Variants in CCDC183 observed in about 807,000 individuals in gnomAD.
CCDC183 encodes the protein coiled-coil domain containing 183, also known as coiled-coil domain-containing protein 183.
A neutral mutation model predicts 65.2 loss-of-function variants in CCDC183; 63 were observed. That is an observed-to-expected ratio of 0.97 (90% confidence interval 0.79 to 1.19). CCDC183 has a LOEUF of 1.19. Among genes scored for constraint, CCDC183 ranks in the 50% most tolerant of loss-of-function variants. The pLI is 0.00. For synonymous variants in CCDC183, 323 were observed against 276.5 expected (o/e 1.17, Z -1.67); for missense variants, 769 against 689.3 (o/e 1.12, Z -1.30).
rs1847803991 is a variant in CCDC183 at position 136,804,332 on chromosome 9, G to C, written c.667-170G>C. 1 of 877,784 alleles carries C rather than the reference G, an allele frequency of 1.1e-6. No individual in the cohort carries two copies. The highest frequency in any genetic ancestry group is 1.7e-6 in the Non-Finnish European group (1 of 591,832). The allele number at this position is 877,784 out of a possible 1,614,324, so 54.4% of individuals were successfully genotyped here. ...GAGGCATGGGCAAGGAGGGCCGTGA[G>C]CTGAGGGGCCACGGGCACAAGTGGT... On this transcript the variant is annotated intron_variant, in intron 6 of 13. Coordinates refer to ENST00000338005, the MANE Select transcript of CCDC183 (RefSeq NM_001039374.5). This position sits in a 1 kb window ranked among gnomAD's most constrained non-coding sequence, Gnocchi z 4.1.
intron 5 of CCDC183, 48 bp from the exon 6 acceptor site, chr9:136,802,616 A>G: frequency 1.3e-6 from 2 of 1,556,346 alleles, no homozygotes; most frequent in Non-Finnish European, 1.7e-6. Flanking sequence ...GCTCGGGGCA[A>G]CTGCAGCCCA....
At position 136,804,324 on chromosome 9, in the gene CCDC183, G is replaced by A. The variant is rs1847803765; in HGVS notation, c.667-178G>A. The A allele has an allele frequency of 1.3e-6, 1 of 781,050 alleles. No individual in the cohort carries two copies. Among genetic ancestry groups the A allele is most frequent in the Admixed American group, 2.9e-5 (1 of 34,056 alleles). 48.4% of individuals were successfully genotyped at this position (781,050 alleles called of 1,614,324 possible). A position where few individuals can be genotyped will look rare whatever the true frequency, so the allele number is the denominator to read the frequency against. ...CATGCTCTGAGGCATGGGCAAGGAG[G>A]GCCGTGAGCTGAGGGGCCACGGGCA... On this transcript the variant is annotated intron_variant, in intron 6 of 13. Transcript: ENST00000338005. The surrounding 1 kb of genome is among the most constrained non-coding windows in gnomAD (Gnocchi z 4.1).
In CCDC183 at chr9:136,804,593, T is replaced by A; in HGVS notation, c.758T>A (p.Ile253Asn). The change falls in exon 7 of 14, where the codon ATC (isoleucine) becomes AAC (asparagine). Residue 253 changes from isoleucine (I) to asparagine (N), a missense_variant. Transcript: ENST00000338005. The surrounding 1 kb of genome is among the most constrained non-coding windows in gnomAD (Gnocchi z 4.1). ...LNQQKKLIDK[I>N]HTKETSEKYR... ...CAGCAGAAGAAGCTGATCGACAAGA[T>A]CCACACGAAGGAGACCAGCGAGAAG... 1 of 1,613,396 alleles carries A rather than the reference T, an allele frequency of 6.2e-7. No homozygotes were observed. Among genetic ancestry groups the A allele is most frequent in the Non-Finnish European group, 8.5e-7 (1 of 1,179,868 alleles).
intron 5 of CCDC183, 44 bp from the exon 6 acceptor site, chr9:136,802,620 C>T (rs763241857): frequency 1.2e-5 from 19 of 1,566,530 alleles, no homozygotes; most frequent in Non-Finnish European, 1.6e-5. Context: ...GGGGCAACTG[C>T]AGCCCACTCT....
chr9:136,799,374 C>T (rs977320635), intron 2 of CCDC183, 151 bp downstream of exon 2: 2 of 1,262,924 alleles, frequency 1.6e-6, no homozygotes, highest in Non-Finnish European at 2.1e-6. Context: ...AGGACCTGTG[C>T]CCTGGGCTCC....
intron 2 of CCDC183, 35 bp downstream of exon 2, chr9:136,799,258 A>G: frequency 6.4e-7 from 1 of 1,570,766 alleles, no homozygotes; most frequent in African/African-American, 1.4e-5. Context: ...CTGCCTGGCG[A>G]GCAGGGCAGG....
At chr9:136,800,731 T>C (rs1038707868) in intron 5 of CCDC183, 8 of 527,848 alleles carry the variant, frequency 1.5e-5, no homozygotes, top group Non-Finnish European at 2.4e-5. Context: ...ACGTATTAAA[T>C]GATTTGGTAT....
intron 13 of CCDC183, 163 bp from the exon 14 acceptor site, chr9:136,807,409 G>C: frequency 2.2e-6 from 2 of 913,600 alleles, no homozygotes; most frequent in Non-Finnish European, 3.2e-6. Flanking sequence ...AGGGCAGCGT[G>C]AGCCGCTGCG....
In CCDC183 at chr9:136,799,162, C is replaced by A; in HGVS notation, c.131C>A (p.Thr44Lys). Residue 44 changes from threonine to lysine, a missense_variant, in exon 2 of 14, where the codon ACG (threonine) becomes AAG (lysine). Transcript: ENST00000338005. Reference protein sequence around the residue: ...VKENMDQNKATLALLRSNIRR... With the variant: ...VKENMDQNKAKLALLRSNIRR... The stretch of plus-strand genomic sequence containing the variant: ...GAGAATATGGACCAGAACAAGGCCA[C>A]GCTGGCCCTCCTGCGCAGCAACATC... 1 of 1,613,066 alleles carries A rather than the reference C, an allele frequency of 6.2e-7. No homozygotes were observed. Among genetic ancestry groups the A allele is most frequent in the Non-Finnish European group, 8.5e-7 (1 of 1,179,782 alleles).
chr9:136,804,114 T>G lies in CCDC183; in HGVS notation c.667-388T>G. The G allele has an allele frequency of 9.3e-6, 2 of 216,098 alleles. No homozygotes were observed. The highest frequency in any genetic ancestry group is 1.9e-5 in the Non-Finnish European group (2 of 105,550). 13.4% of individuals were successfully genotyped at this position (216,098 alleles called of 1,614,324 possible). ...GGGTGAGAGCAGTGTCTGGGGTGCG[T>G]GAGCAGGGGTTAGCAGATGACGGTT... On this transcript the variant is annotated intron_variant, in intron 6 of 13. Coordinates refer to ENST00000338005, the MANE Select transcript of CCDC183 (RefSeq NM_001039374.5). This position sits in a 1 kb window ranked among gnomAD's most constrained non-coding sequence, Gnocchi z 4.1.
chr9:136,806,933 G>C, intron 12 of CCDC183, 37 bp from the exon 13 acceptor site: 2 of 1,613,452 alleles, frequency 1.2e-6, no homozygotes, highest in South Asian at 1.1e-5. Flanking sequence ...CTCCCGTTCA[G>C]AGTGTCTGCA....
intron 13 of CCDC183, 46 bp downstream of exon 13, chr9:136,807,112 A>G (rs761344893): frequency 1.3e-5 from 20 of 1,587,682 alleles, no homozygotes; most frequent in Non-Finnish European, 1.6e-5. Context: ...GGGTGGCTGG[A>G]ACACAGGTCG....
chr9:136,800,879 A>C (rs1012248411), intron 5 of CCDC183: 2 of 216,050 alleles, frequency 9.3e-6, no homozygotes, highest in Non-Finnish European at 1.9e-5. Flanking sequence ...CAGCCAGCCC[A>C]CCCGCCCTGC....
intron 1 of CCDC183, among the ~76,000 whole-genome samples, chr9:136,798,157 C>G (rs1049823094): frequency 6.6e-6 from 1 of 152,106 alleles, no homozygotes; most frequent in Admixed American, 6.5e-5. Context: ...AGGTGCCCAC[C>G]ACCACGCCCA....
chr9:136,807,051 G>T lies in CCDC183; in HGVS notation c.1471G>T (p.Glu491Ter). The T allele has an allele frequency of 6.2e-7, 1 of 1,613,288 alleles. No individual in the cohort carries two copies. Among genetic ancestry groups the T allele is most frequent in the Non-Finnish European group, 8.5e-7 (1 of 1,179,990 alleles). ...YNTRISFENR[E>*]EDMIDTFQFP... ...CACCAGGATCAGCTTTGAGAACCGG[G>T]AGGAGGATATGATCGGTACAGGCCC... The change falls in exon 13 of 14, where the codon GAG (glutamate) becomes TAG (stop). Residue 491 changes from glutamate (E) to a stop codon, truncating the protein, a stop_gained. Transcript: ENST00000338005. LOFTEE classifies it high-confidence loss of function.
intron 1 of CCDC183, among the ~76,000 whole-genome samples, chr9:136,798,483 G>T (rs1412824822): frequency 1.3e-5 from 2 of 151,568 alleles, no homozygotes; most frequent in Non-Finnish European, 2.9e-5. Flanking sequence ...TTTTAGTAGA[G>T]ATGGGGTTTC....
In CCDC183 at chr9:136,800,175, G is replaced by A; in HGVS notation, c.438+6G>A. 1 of 1,528,622 alleles carries A rather than the reference G, an allele frequency of 6.5e-7. No individual in the cohort carries two copies. Among genetic ancestry groups the A allele is most frequent in the Middle Eastern group, 2.3e-4 (1 of 4,442 alleles). 94.7% of individuals were successfully genotyped at this position (1,528,622 alleles called of 1,614,324 possible). A position where few individuals can be genotyped will look rare whatever the true frequency, so the allele number is the denominator to read the frequency against. On this transcript the variant is annotated splice_donor_region_variant and intron_variant, in intron 4 of 13. Coordinates refer to ENST00000338005, the MANE Select transcript of CCDC183 (RefSeq NM_001039374.5). ...AGGAGCTGCGGCTGCTGCAGGTGGA[G>A]AGGCGGGGCTGGGAGGGCGGGGCGG...
At chr9:136,807,099 G>A (rs1490103826) in intron 13 of CCDC183, 33 bp downstream of exon 13, 30 of 1,606,524 alleles carry the variant, frequency 1.9e-5, no homozygotes, top group Non-Finnish European at 2.4e-5. Context: ...CCGGGCTGCA[G>A]GCGGGTGGCT....
At chr9:136,796,549 A>T (rs1342671296) in intron 1 of CCDC183, 82 bp downstream of exon 1, 3 of 932,744 alleles carry the variant, frequency 3.2e-6, no homozygotes, top group African/African-American at 3.3e-5. Context: ...GAAAAGAGAG[A>T]TCAGATTGTT....
Sources: allele counts gnomAD v4.1 joint callset (sites outside exome capture counted in the v4.1 genomes callset), GRCh38; gene constraint gnomAD v4.1.1; non-coding constraint Gnocchi (gnomAD v3.1); transcripts MANE v1.5; gene names NCBI Gene and HGNC (gene_info 2026-07-23, HGNC 2026-07-21).